Variants in C4orf51 observed in about 807,000 individuals in gnomAD.
C4orf51 encodes the protein uncharacterized protein C4orf51.
A neutral mutation model predicts 25.2 loss-of-function variants in C4orf51; 25 were observed. The observed-to-expected ratio is 0.99, with a 90% confidence interval of 0.72 to 1.39. The LOEUF (loss-of-function observed/expected upper bound fraction) is 1.39, where lower values mean the gene tolerates loss of function less well. C4orf51 is among the 40% of genes most tolerant of loss of function. C4orf51 has a pLI of 0.00. For missense variants in C4orf51, 252 were observed against 239.6 expected, an observed-to-expected ratio of 1.05 and a Z score of -0.34; for synonymous variants, 100 against 84.5, an observed-to-expected ratio of 1.18 and a Z score of -1.01.
chr4:145,779,546 G>A, the C4orf51 span: 8 of 1,603,998 alleles, frequency 5.0e-6, 1 homozygote, highest in South Asian at 9.0e-5. Context: ...TGAGAAATAA[G>A]GCAACAAGAA....
In C4orf51 at chr4:145,691,245, A is replaced by T. The variant is rs530323632; in HGVS notation, c.234-5314A>T. Among the ~76,000 whole-genome samples the T allele has an allele frequency of 5.0e-4, 76 of 152,368 alleles. No individual in the cohort carries two copies. In the South Asian group the frequency reaches 0.016, roughly 31 times the overall value. On this transcript the variant is annotated intron_variant, in intron 1 of 5. Coordinates refer to ENST00000438731, the MANE Select transcript of C4orf51 (RefSeq NM_001080531.3). Reference sequence around the variant, plus strand: ...ATGCAAACAAAAACCACAATGAGATACCATCTCACACTAATCAGAATGGCT... The same window carrying T: ...ATGCAAACAAAAACCACAATGAGATTCCATCTCACACTAATCAGAATGGCT...
chr4:145,783,621 G>A, the C4orf51 span, among the ~76,000 whole-genome samples: 6 of 152,320 alleles, frequency 3.9e-5, no homozygotes, highest in Non-Finnish European at 5.9e-5. Flanking sequence ...CCATGGAAGC[G>A]GCTTGGGTAG....
the C4orf51 span, among the ~76,000 whole-genome samples, chr4:145,782,080 C>T: frequency 2.0e-5 from 3 of 152,204 alleles, no homozygotes; most frequent in South Asian, 2.1e-4. Flanking sequence ...GCAGTTGTCA[C>T]GGGGCACCCA....
At chr4:145,708,547 G>A (rs1730961786) in intron 2 of C4orf51, among the ~76,000 whole-genome samples, 3 of 152,152 alleles carry the variant, frequency 2.0e-5, no homozygotes, top group Admixed American at 1.3e-4. Flanking sequence ...GAATGAACTG[G>A]TCTTCCCATG....
the C4orf51 span, among the ~76,000 whole-genome samples, chr4:145,782,362 T>G: frequency 6.6e-6 from 1 of 152,144 alleles, no homozygotes; most frequent in Non-Finnish European, 1.5e-5. Flanking sequence ...GGAGCTGAGA[T>G]GAGATGAAGC....
In C4orf51 at chr4:145,763,022, C is replaced by A. The variant is rs1182343099; in HGVS notation, n.167-7966C>A. 8.4e-6 allele frequency: 12 copies of A among 1,428,200 alleles called. No homozygotes were observed. In the South Asian group the frequency reaches 1.5e-4, roughly 18 times the overall value. 88.5% of individuals were successfully genotyped at this position (1,428,200 alleles called of 1,614,324 possible). ...ACCTCAGCTCACAGAAGAGTGCACA[C>A]GAGAGAAATATAAAGCCCATTCCCA... On this transcript the variant is annotated intron_variant and non_coding_transcript_variant, in intron 1 of 1. Transcript: ENST00000510096. The surrounding 1 kb of genome is among the most constrained non-coding windows in gnomAD (Gnocchi z 4.6).
At chr4:145,738,038 A>G (rs1732894003) in intron 1 of C4orf51, among the ~76,000 whole-genome samples, 1 of 152,026 alleles carries the variant, frequency 6.6e-6, no homozygotes, top group African/African-American at 2.4e-5. Context: ...GGGGTTATAG[A>G]GAGAGCAAGA....
chr4:145,728,487 A>T (rs1265624325), intron 3 of C4orf51, among the ~76,000 whole-genome samples: 1 of 152,228 alleles, frequency 6.6e-6, no homozygotes, highest in East Asian at 1.9e-4. Context: ...TATATTTTGT[A>T]AAATCACCAT....
intron 2 of C4orf51, among the ~76,000 whole-genome samples, chr4:145,701,534 C>T (rs1730441922): frequency 6.6e-6 from 1 of 151,902 alleles, no homozygotes; most frequent in Admixed American, 6.6e-5. Flanking sequence ...GGCTCTCTGA[C>T]TGACTCCTTG....
intron 1 of C4orf51, among the ~76,000 whole-genome samples, chr4:145,747,390 G>T (rs368281256): frequency 2.9e-4 from 43 of 146,106 alleles, no homozygotes; most frequent in Middle Eastern, 7.1e-3. Context: ...GTTTTTTGAG[G>T]TTTTTTTTTT....
chr4:145,705,998 C>T (rs1231945694), intron 2 of C4orf51, among the ~76,000 whole-genome samples: 1 of 152,114 alleles, frequency 6.6e-6, no homozygotes, highest in Admixed American at 6.5e-5. Context: ...TTACATTACC[C>T]ATCCGTCTTA....
chr4:145,701,490 A>C (rs1730439395), intron 2 of C4orf51, among the ~76,000 whole-genome samples: 1 of 149,444 alleles, frequency 6.7e-6, no homozygotes, highest in East Asian at 1.9e-4. Context: ...CTCACCTGGC[A>C]GCCACTCCCA....
the C4orf51 span, among the ~76,000 whole-genome samples, chr4:145,783,900 G>T: frequency 1.3e-5 from 2 of 152,170 alleles, no homozygotes; most frequent in Non-Finnish European, 2.9e-5. Flanking sequence ...ATTGGAGGTG[G>T]GGCCTTGTGG....
chr4:145,740,178 G>C (rs1186186523), intron 1 of C4orf51, among the ~76,000 whole-genome samples: 1 of 139,052 alleles, frequency 7.2e-6, no homozygotes, highest in African/African-American at 2.8e-5. Context: ...TGTAACTAGG[G>C]CTCTATCTGT....
intron 1 of C4orf51, among the ~76,000 whole-genome samples, chr4:145,682,484 C>G (rs1159441728): frequency 6.6e-6 from 1 of 152,076 alleles, no homozygotes; most frequent in Non-Finnish European, 1.5e-5. Context: ...TCAGAATGGT[C>G]CAAGGAGAAT....
intron 1 of C4orf51, among the ~76,000 whole-genome samples, chr4:145,742,803 G>A (rs978106349): frequency 6.6e-6 from 1 of 151,998 alleles, no homozygotes; most frequent in African/African-American, 2.4e-5. Context: ...GCCTCCCAAA[G>A]TGCTGGGATT....
intron 2 of C4orf51, among the ~76,000 whole-genome samples, chr4:145,721,450 C>T (rs796973955): frequency 1.6e-4 from 25 of 152,108 alleles, no homozygotes; most frequent in African/African-American, 4.1e-4. Context: ...ATGACAGCTA[C>T]GCTGTGTGAC....
chr4:145,725,141 T>C (rs1002519219), intron 2 of C4orf51, among the ~76,000 whole-genome samples: 1 of 151,572 alleles, frequency 6.6e-6, no homozygotes, highest in Non-Finnish European at 1.5e-5. Context: ...CAGAACTTAC[T>C]CATGTAACCA....
At chr4:145,697,626 G>T (rs1314806068) in intron 2 of C4orf51, among the ~76,000 whole-genome samples, 2 of 132,384 alleles carry the variant, frequency 1.5e-5, no homozygotes, top group Admixed American at 1.7e-4. Flanking sequence ...TCTTTCTGTG[G>T]CTGAGTAATT....
Sources: gnomAD v4.1 joint callset for allele counts (sites outside exome capture counted in the v4.1 genomes callset) on GRCh38, gnomAD v4.1.1 for gene constraint, Gnocchi (gnomAD v3.1) non-coding constraint, MANE v1.5 for transcripts, NCBI Gene and HGNC (gene_info 2026-07-23, HGNC 2026-07-21) for gene names.